RANBP17: variants seen among roughly 807,000 people sequenced by gnomAD.
RANBP17 encodes ran-binding protein 17.
RANBP17 carries 158 observed loss-of-function variants against 141.2 expected under a neutral mutation model. That is an observed-to-expected ratio of 1.12 (90% CI 0.98 to 1.28). The LOEUF (loss-of-function observed/expected upper bound fraction) is 1.28, where lower values mean the gene tolerates loss of function less well. Among genes scored for constraint, RANBP17 ranks in the 50% most tolerant of loss-of-function variants. The pLI is 0.00. For synonymous variants in RANBP17, 430 were observed against 450.0 expected (o/e 0.96, Z 0.56); for missense variants, 1,438 against 1,290.7 (o/e 1.11, Z -1.75).
chr5:171,286,405 A>ATTTCAT (rs1266032601), intron 25 of RANBP17, among the ~76,000 whole-genome samples: 4 of 152,000 alleles, frequency 2.6e-5, no homozygotes, highest in African/African-American at 9.7e-5. Context: ...CTCATCCTGC[A>ATTTCAT]TTTCATTTGA....
At chr5:170,889,692 G>T (rs188122360) in intron 3 of RANBP17, among the ~76,000 whole-genome samples, 1 of 152,106 alleles carries the variant, frequency 6.6e-6, no homozygotes, top group Admixed American at 6.5e-5. Flanking sequence ...CTTTTGACAC[G>T]CAAAGGACCT....
intron 12 of RANBP17, among the ~76,000 whole-genome samples, chr5:170,930,404 T>TTTTA (rs201554306): frequency 9.9e-5 from 15 of 151,392 alleles, no homozygotes; most frequent in Non-Finnish European, 1.3e-4. Context: ...TTATTTTTTA[T>TTTTA]TTTATTTATT....
Position 171,251,728 on chromosome 5 carries a change from C to T in RANBP17, c.2776+8908C>T, listed in dbSNP as rs1279864679. ...TGGCGGCTCGGGGTCCACCCGCGGG[C>T]TGCGGTGCGAGCAGGTGGCCCCGTT... On this transcript the variant is annotated intron_variant, in intron 24 of 27. Transcript: ENST00000523189. 14 of 703,178 alleles carry T rather than the reference C, an allele frequency of 2.0e-5. No homozygotes were observed. The South Asian group carries it at 2.2e-4, about 11-fold the overall frequency. The allele number at this position is 703,178 out of a possible 1,614,324, so 43.6% of individuals were successfully genotyped here.
At chr5:171,102,559 A>C (rs1462571341) in intron 14 of RANBP17, among the ~76,000 whole-genome samples, 9 of 151,762 alleles carry the variant, frequency 5.9e-5, no homozygotes, top group Non-Finnish European at 5.9e-5. Context: ...AGCTCAGAGG[A>C]GTTTGTTATT....
intron 14 of RANBP17, among the ~76,000 whole-genome samples, chr5:171,098,520 G>T (rs1191484099): frequency 6.6e-6 from 1 of 152,086 alleles, no homozygotes; most frequent in African/African-American, 2.4e-5. Flanking sequence ...TAAGTTCTTT[G>T]TAGATTCTGG....
intron 14 of RANBP17, among the ~76,000 whole-genome samples, chr5:171,001,516 C>G (rs1276475053): frequency 6.6e-6 from 1 of 151,920 alleles, no homozygotes; most frequent in Non-Finnish European, 1.5e-5. Context: ...GAGACTGGAG[C>G]CTAATAAAAA....
intron 14 of RANBP17, among the ~76,000 whole-genome samples, chr5:171,009,223 T>C (rs987104516): frequency 1.3e-5 from 2 of 152,202 alleles, no homozygotes; most frequent in Non-Finnish European, 2.9e-5. Context: ...GTTAAGCAAT[T>C]TACCTAACTT....
chr5:171,112,324 G>T (rs1385569549), intron 14 of RANBP17, among the ~76,000 whole-genome samples: 10 of 151,664 alleles, frequency 6.6e-5, no homozygotes, highest in Admixed American at 6.6e-4. Flanking sequence ...TTTTTTCAGT[G>T]TAAAATTTTA....
intron 25 of RANBP17, 146 bp downstream of exon 25, chr5:171,265,993 C>A: frequency 1.5e-6 from 1 of 650,052 alleles, no homozygotes; most frequent in Non-Finnish European, 2.5e-6. Context: ...GAGTATTTTC[C>A]CTGAACGTGG....
chr5:171,274,040 A>G (rs1235397692), intron 25 of RANBP17, among the ~76,000 whole-genome samples: 2 of 151,974 alleles, frequency 1.3e-5, no homozygotes, highest in Non-Finnish European at 2.9e-5. Flanking sequence ...CTGACCTAAT[A>G]CTTTTCAAAC....
At chr5:170,950,530 G>A (rs997170738) in intron 12 of RANBP17, among the ~76,000 whole-genome samples, 2 of 152,008 alleles carry the variant, frequency 1.3e-5, no homozygotes, top group Non-Finnish European at 2.9e-5. Flanking sequence ...CAAAACCGCA[G>A]TGAGATGCCA....
In RANBP17 at chr5:171,247,165, C is replaced by T. The variant is rs368582937; in HGVS notation, c.2776+4345C>T. On this transcript the variant is annotated intron_variant, in intron 24 of 27. Coordinates refer to ENST00000523189, the MANE Select transcript of RANBP17 (RefSeq NM_022897.5). ...CTAGGAATCATTCAAACTCTAAAAC[C>T]CCTTCTTCCTCACCACACTACCCTG... 2.6e-5 allele frequency among the ~76,000 whole-genome samples: 4 copies of T among 152,164 alleles called. No homozygotes were observed. The East Asian group carries it at 7.7e-4, about 29-fold the overall frequency.
At chr5:170,952,427 C>T (rs534244842) in intron 12 of RANBP17, among the ~76,000 whole-genome samples, 2 of 151,872 alleles carry the variant, frequency 1.3e-5, no homozygotes, top group African/African-American at 4.8e-5. Flanking sequence ...TGAATACTTG[C>T]CAGGTTAGAT....
At chr5:170,917,784 C>T (rs1239497653) in intron 9 of RANBP17, among the ~76,000 whole-genome samples, 1 of 152,080 alleles carries the variant, frequency 6.6e-6, no homozygotes, top group African/African-American at 2.4e-5. Context: ...GATAATTTCT[C>T]TTAAATGATT....
intron 14 of RANBP17, among the ~76,000 whole-genome samples, chr5:171,157,872 A>G (rs1028045226): frequency 5.3e-5 from 8 of 152,146 alleles, no homozygotes; most frequent in African/African-American, 1.9e-4. Flanking sequence ...GTGGTTGGGA[A>G]CCTTTGACAG....
In RANBP17 at chr5:171,241,044, A is replaced by G. The variant is rs755018277; in HGVS notation, c.2539A>G (p.Ser847Gly). 48 of 1,613,824 alleles carry G rather than the reference A, an allele frequency of 3.0e-5. 1 individual carries two copies. The South Asian group carries it at 5.2e-4, about 17-fold the overall frequency. The change falls in exon 23 of 28, where the codon AGC becomes GGC. Residue 847 changes from serine (S) to glycine (G), a missense_variant. Coordinates refer to ENST00000523189, the MANE Select transcript of RANBP17 (RefSeq NM_022897.5). The stretch of plus-strand genomic sequence containing the variant: ...GTCTGCCTTGTGTGGAAATTATGTC[A>G]GCTTTGGCGTCTTCAAGTTGTATGG... Reference protein sequence around the residue: ...LKSALCGNYVSFGVFKLYGDN... With the variant: ...LKSALCGNYVGFGVFKLYGDN...
At chr5:171,100,721 T>C (rs1380631496) in intron 14 of RANBP17, among the ~76,000 whole-genome samples, 1 of 152,230 alleles carries the variant, frequency 6.6e-6, no homozygotes, top group Non-Finnish European at 1.5e-5. Context: ...TTTCTAGGTT[T>C]CTCCTGTGGG....
intron 24 of RANBP17, among the ~76,000 whole-genome samples, chr5:171,247,806 A>G (rs1765298752): frequency 6.6e-6 from 1 of 152,210 alleles, no homozygotes; most frequent in Non-Finnish European, 1.5e-5. Context: ...AACAAGACAG[A>G]TAAGATTCCT....
chr5:171,155,008 G>A (rs2127841699), intron 14 of RANBP17, among the ~76,000 whole-genome samples: 1 of 148,844 alleles, frequency 6.7e-6, no homozygotes, highest in Middle Eastern at 3.5e-3. Flanking sequence ...AACCCGGGAG[G>A]CAGAGGTTGC....
Sources: allele counts gnomAD v4.1 joint callset (sites outside exome capture counted in the v4.1 genomes callset), GRCh38; gene constraint gnomAD v4.1.1; transcripts MANE v1.5; gene names NCBI Gene and HGNC (gene_info 2026-07-23, HGNC 2026-07-21).